ITK: variants seen among roughly 807,000 people sequenced by gnomAD.
The protein encoded by ITK is tyrosine-protein kinase ITK/TSK.
ITK carries 45 observed loss-of-function variants against 87.6 expected under a neutral mutation model. The observed-to-expected ratio is 0.51, with a 90% CI of 0.40 to 0.66. ITK has a LOEUF of 0.66. Ranked by LOEUF, ITK falls within the 30% of genes least tolerant of loss-of-function variation. The pLI is 0.00. For synonymous variants in ITK, 303 were observed against 273.6 expected (o/e 1.11, Z -1.06); for missense variants, 605 against 766.3 (o/e 0.79, Z 2.48).
At position 157,252,947 on chromosome 5, in the gene ITK, G is replaced by C. The variant is rs879240939; in HGVS notation, c.*269G>C. On this transcript the variant is annotated 3_prime_UTR_variant, in exon 17 of 17. Coordinates refer to ENST00000422843, the MANE Select transcript of ITK (RefSeq NM_005546.4). ...CCTCTAGCCTCTTGTCACATGTGGT[G>C]CACAAACCTCAACCTGACAGCTTTC... is the stretch of plus-strand genomic sequence containing the variant. 1 of 519,936 alleles carries C rather than the reference G, an allele frequency of 1.9e-6. No homozygotes were observed. The highest frequency in any genetic ancestry group is 2.1e-5 in the South Asian group (1 of 48,298). The allele number at this position is 519,936 out of a possible 1,614,324, so 32.2% of individuals were successfully genotyped here. A position where few individuals can be genotyped will look rare whatever the true frequency, so the allele number is the denominator to read the frequency against.
chr5:157,240,002 T>C (rs1754855560), intron 9 of ITK, 60 bp from the exon 10 acceptor site: 1 of 1,551,376 alleles, frequency 6.4e-7, no homozygotes, highest in African/African-American at 1.4e-5. Context: ...ACTCGTAGAC[T>C]TTTTTGTGTC....
intron 2 of ITK, 77 bp from the exon 3 acceptor site, chr5:157,211,210 T>C (rs1382994943): frequency 8.2e-7 from 1 of 1,223,282 alleles, no homozygotes; most frequent in African/African-American, 1.5e-5. Context: ...GACCCCACTC[T>C]CGGCTCAGTA....
At chr5:157,216,297 T>C (rs1398538680) in intron 4 of ITK, among the ~76,000 whole-genome samples, 1 of 152,152 alleles carries the variant, frequency 6.6e-6, no homozygotes, top group African/African-American at 2.4e-5. Context: ...CACTGGGCTT[T>C]GGATAATCCC....
chr5:157,233,023 G>A (rs1277688810), intron 8 of ITK, among the ~76,000 whole-genome samples: 3 of 152,202 alleles, frequency 2.0e-5, no homozygotes, highest in South Asian at 2.1e-4. Flanking sequence ...TAGCAGGACC[G>A]ATTTTACTCA....
chr5:157,238,005 T>C, intron 8 of ITK, 104 bp from the exon 9 acceptor site: 1 of 798,964 alleles, frequency 1.3e-6, no homozygotes, highest in Non-Finnish European at 2.2e-6. Flanking sequence ...CTATGCCAAG[T>C]GGGCCTACAG....
At chr5:157,214,829 T>A (rs1448176203) in intron 4 of ITK, among the ~76,000 whole-genome samples, 8 of 152,176 alleles carry the variant, frequency 5.3e-5, no homozygotes, top group Non-Finnish European at 7.3e-5. Flanking sequence ...TGAGAGGAAT[T>A]TTTTTTCTTT....
chr5:157,213,335 G>T (rs903147508), intron 3 of ITK, among the ~76,000 whole-genome samples: 1 of 152,196 alleles, frequency 6.6e-6, no homozygotes, highest in Non-Finnish European at 1.5e-5. Context: ...TCAACACGCA[G>T]GAATCATGGA....
At chr5:157,227,128 A>G (rs2113763722) in intron 6 of ITK, among the ~76,000 whole-genome samples, 1 of 152,320 alleles carries the variant, frequency 6.6e-6, no homozygotes, top group South Asian at 2.1e-4. Context: ...CCTATCAGTC[A>G]TCTTTTTACA....
At chr5:157,223,862 T>C (rs1215863499) in intron 6 of ITK, among the ~76,000 whole-genome samples, 1 of 152,178 alleles carries the variant, frequency 6.6e-6, no homozygotes, top group Non-Finnish European at 1.5e-5. Context: ...AATTTTAAAG[T>C]ATAAAAAAGA....
Position 157,217,067 on chromosome 5 carries a change from G to A in ITK, c.455-800G>A, listed in dbSNP as rs1173338976. ...GCCTGAAGTCTGTGCAGTGCCTCCC[G>A]TACCACAGAGAGCCCCAGACACAGC... On this transcript the variant is annotated intron_variant, in intron 4 of 16. Coordinates refer to ENST00000422843, the MANE Select transcript of ITK (RefSeq NM_005546.4). Among the ~76,000 whole-genome samples the A allele has an allele frequency of 7.2e-5, 11 of 151,912 alleles. No individual in the cohort carries two copies. The East Asian group carries it at 7.7e-4, about 11-fold the overall frequency.
intron 1 of ITK, among the ~76,000 whole-genome samples, chr5:157,186,654 C>T (rs1753648655): frequency 6.7e-6 from 1 of 149,562 alleles, no homozygotes; most frequent in South Asian, 2.1e-4. Flanking sequence ...CCAGCCTGGG[C>T]AACAAGAGTG....
intron 1 of ITK, among the ~76,000 whole-genome samples, chr5:157,200,414 T>A (rs1580880350): frequency 6.6e-6 from 1 of 152,346 alleles, no homozygotes; most frequent in Non-Finnish European, 1.5e-5. Context: ...TGTGGTTTCC[T>A]TGGAAAGTTT....
intron 1 of ITK, among the ~76,000 whole-genome samples, chr5:157,187,548 A>G (rs1753668623): frequency 6.6e-6 from 1 of 152,174 alleles, no homozygotes; most frequent in South Asian, 2.1e-4. Context: ...TGGGTGTAGA[A>G]ACAAGTAACA....
At chr5:157,181,734 A>G (rs1031634436) in intron 1 of ITK, among the ~76,000 whole-genome samples, 2 of 152,192 alleles carry the variant, frequency 1.3e-5, no homozygotes, top group African/African-American at 2.4e-5. Context: ...ACTTCTTAGG[A>G]CACCAGGGTT....
Position 157,209,064 on chromosome 5 carries a change from A to G in ITK, c.243+71A>G. 4.8e-6 allele frequency: 5 copies of G among 1,037,772 alleles called. No individual in the cohort carries two copies. The South Asian group carries it at 6.4e-5, about 13-fold the overall frequency. The allele number at this position is 1,037,772 out of a possible 1,614,324, so 64.3% of individuals were successfully genotyped here. On this transcript the variant is annotated intron_variant, in intron 2 of 16. Coordinates refer to ENST00000422843, the MANE Select transcript of ITK (RefSeq NM_005546.4). ...AAAATCTTCAGTCACAGCCGGGTGC[A>G]GTGGTTCAAGCCTGTAATCCTAGCA...
At chr5:157,245,330 T>C (rs1389247322) in intron 13 of ITK, 2 of 345,700 alleles carry the variant, frequency 5.8e-6, no homozygotes, top group East Asian at 7.3e-5. Context: ...ACTCTCCCTA[T>C]TGAAGAACAG....
chr5:157,239,691 A>G (rs1053925111), intron 9 of ITK, among the ~76,000 whole-genome samples: 1 of 152,174 alleles, frequency 6.6e-6, no homozygotes, highest in African/African-American at 2.4e-5. Context: ...TGACTTATGA[A>G]GTCAAATAAG....
At chr5:157,237,175 A>C (rs1754793632) in intron 8 of ITK, among the ~76,000 whole-genome samples, 1 of 152,260 alleles carries the variant, frequency 6.6e-6, no homozygotes, top group Non-Finnish European at 1.5e-5. Flanking sequence ...TGGATAAAGA[A>C]AATTTGGCAC....
chr5:157,227,862 G>A (rs546812934), intron 6 of ITK, among the ~76,000 whole-genome samples: 8 of 112,754 alleles, frequency 7.1e-5, no homozygotes, highest in South Asian at 5.5e-4. Context: ...ACAGAGTCTC[G>A]CTCTGTTGCC....
Sources: gnomAD v4.1 joint callset for allele counts (sites outside exome capture counted in the v4.1 genomes callset) on GRCh38, gnomAD v4.1.1 for gene constraint, MANE v1.5 for transcripts, NCBI Gene and HGNC (gene_info 2026-07-23, HGNC 2026-07-21) for gene names.